ATL2: variants seen among roughly 807,000 people sequenced by gnomAD.
ATL2 encodes atlastin GTPase 2.
ATL2 carries 31 observed loss-of-function variants against 73.9 expected under a neutral mutation model. The observed-to-expected ratio is 0.42, with a 90% confidence interval of 0.32 to 0.57. The LOEUF is 0.57. ATL2 is among the 20% of genes least tolerant of loss of function. The pLI, the probability that ATL2 is intolerant of heterozygous loss-of-function variation, is 0.14. For synonymous variants in ATL2, 291 were observed against 237.5 expected, an observed-to-expected ratio of 1.23 and a Z score of -2.07; for missense variants, 738 against 702.6, an observed-to-expected ratio of 1.05 and a Z score of -0.57.
At chr2:38,335,069 A>G (rs1282915545) in intron 2 of ATL2, among the ~76,000 whole-genome samples, 1 of 151,084 alleles carries the variant, frequency 6.6e-6, no homozygotes, top group East Asian at 1.9e-4. Context: ...ACACATCAGA[A>G]TAGCTAACAT....
At chr2:38,334,703 A>G (rs560392861) in intron 2 of ATL2, among the ~76,000 whole-genome samples, 4 of 151,212 alleles carry the variant, frequency 2.6e-5, no homozygotes, top group African/African-American at 9.7e-5. Flanking sequence ...CGTCTCAAAC[A>G]AACAAACAAA....
chr2:38,310,648 T>G (rs901622252), intron 7 of ATL2, among the ~76,000 whole-genome samples: 3 of 150,622 alleles, frequency 2.0e-5, no homozygotes, highest in Admixed American at 2.0e-4. Flanking sequence ...TTTTTTTTTT[T>G]TTTTTAAAGA....
intron 9 of ATL2, among the ~76,000 whole-genome samples, chr2:38,308,689 T>C (rs984325401): frequency 2.0e-5 from 3 of 152,084 alleles, no homozygotes; most frequent in Admixed American, 6.6e-5. Context: ...AGACATTGTA[T>C]GCCTGTATCA....
intron 2 of ATL2, among the ~76,000 whole-genome samples, chr2:38,325,695 C>CACACACACACACACA (rs1558412023): frequency 2.2e-4 from 2 of 9,250 alleles, no homozygotes; most frequent in African/African-American, 5.8e-4. Context: ...CACACACACA[C>CACACACACACACACA]CAGTACACAC....
intron 2 of ATL2, among the ~76,000 whole-genome samples, chr2:38,341,513 C>A (rs953287023): frequency 2.0e-5 from 3 of 152,094 alleles, no homozygotes; most frequent in African/African-American, 4.8e-5. Context: ...TGGTGCATGC[C>A]TGTAGTGCCA....
intron 2 of ATL2, among the ~76,000 whole-genome samples, chr2:38,341,274 T>A (rs539469587): frequency 6.6e-6 from 1 of 152,320 alleles, no homozygotes; most frequent in African/African-American, 2.4e-5. Context: ...ATGTACAGTT[T>A]TTTTAAAAAA....
intron 2 of ATL2, among the ~76,000 whole-genome samples, chr2:38,335,445 G>A (rs984316656): frequency 6.6e-6 from 1 of 152,148 alleles, no homozygotes; most frequent in Non-Finnish European, 1.5e-5. Context: ...GTAACAATGT[G>A]CATACACCAG....
intron 2 of ATL2, among the ~76,000 whole-genome samples, chr2:38,321,948 T>A (rs189963233): frequency 6.6e-5 from 10 of 152,256 alleles, no homozygotes; most frequent in African/African-American, 2.4e-4. Flanking sequence ...ATCTTTAATT[T>A]ACTCTTCTTG....
chr2:38,374,085 T>A (rs556565620), intron 1 of ATL2, among the ~76,000 whole-genome samples: 110 of 152,278 alleles, frequency 7.2e-4, no homozygotes, highest in Non-Finnish European at 1.2e-3. Context: ...GAGAGGGGGT[T>A]TCTCCATGTT....
Position 38,298,322 on chromosome 2 carries a change from A to G in ATL2, c.1454T>C (p.Met485Thr). The change falls in exon 12 of 13, where the codon ATG becomes ACG. Residue 485 changes from methionine to threonine, a missense_variant. Met to Thr is a moderately conservative substitution (Grantham distance 81, BLOSUM62 -1). Transcript: ENST00000378954. ...GCCAGTCAGTCCTGAGATTATATAC[A>G]TAGCAAACATGACCGCAAACAGTGT... The part of the protein sequence containing the change: ...PATLFAVMFA[M>T]YIISGLTGFI... 4 of 1,614,232 alleles carry G rather than the reference A, an allele frequency of 2.5e-6. No homozygotes were observed. The highest frequency in any genetic ancestry group is 2.5e-6 in the Non-Finnish European group (3 of 1,180,032).
In ATL2 at chr2:38,300,342, A is replaced by T. The variant is rs1667121324; in HGVS notation, c.1072-14T>A. The T allele has an allele frequency of 1.3e-6, 2 of 1,594,304 alleles. No homozygotes were observed. The highest frequency in any genetic ancestry group is 1.7e-6 in the Non-Finnish European group (2 of 1,162,436). On this transcript the variant is annotated splice_polypyrimidine_tract_variant and intron_variant, in intron 9 of 12. Transcript: ENST00000378954. ...TTTGATGTAAGCCTAAAAAGGGAGA[A>T]GATTTGTTAGACTGACGGATTATGC...
chr2:38,353,833 G>A (rs1670498718), intron 1 of ATL2, among the ~76,000 whole-genome samples: 2 of 152,186 alleles, frequency 1.3e-5, no homozygotes, highest in Admixed American at 1.3e-4. Flanking sequence ...TAAAAGAAGT[G>A]TCAACCTAGA....
chr2:38,359,343 G>A (rs578172380), intron 1 of ATL2, among the ~76,000 whole-genome samples: 15 of 151,930 alleles, frequency 9.9e-5, no homozygotes, highest in African/African-American at 1.9e-4. Flanking sequence ...GGTGCCACAC[G>A]CCTGTAATCC....
intron 1 of ATL2, among the ~76,000 whole-genome samples, chr2:38,352,295 GGTATCAGACTGGCCCTCGACC>G (rs1479258072): frequency 6.6e-6 from 1 of 152,106 alleles, no homozygotes; most frequent in Non-Finnish European, 1.5e-5. Flanking sequence ...TAGAGTAACT[GGTATCAGACTGGCCCTCGACC>G]GTGGCTATAA....
intron 1 of ATL2, among the ~76,000 whole-genome samples, chr2:38,375,564 T>C (rs779030489): frequency 2.6e-5 from 4 of 152,194 alleles, no homozygotes; most frequent in Non-Finnish European, 5.9e-5. Flanking sequence ...AGTATAAATT[T>C]ATGTTTCTTC....
intron 7 of ATL2, 128 bp from the exon 8 acceptor site, chr2:38,310,575 T>A: frequency 1.5e-6 from 1 of 664,276 alleles, no homozygotes; most frequent in Non-Finnish European, 2.3e-6. Flanking sequence ...GAGTCTTTTT[T>A]GACAATACAA....
At chr2:38,328,933 G>A (rs1029648533) in intron 2 of ATL2, among the ~76,000 whole-genome samples, 1 of 150,588 alleles carries the variant, frequency 6.6e-6, no homozygotes, top group Non-Finnish European at 1.5e-5. Flanking sequence ...AAGAGAGAGG[G>A]GAGAAAAAAG....
At chr2:38,353,608 C>T (rs919494521) in intron 1 of ATL2, among the ~76,000 whole-genome samples, 7 of 152,120 alleles carry the variant, frequency 4.6e-5, no homozygotes, top group Non-Finnish European at 1.0e-4. Flanking sequence ...ACCTCCAGTA[C>T]GGTAATACAA....
chr2:38,357,096 G>C (rs1483484880), intron 1 of ATL2, among the ~76,000 whole-genome samples: 1 of 152,072 alleles, frequency 6.6e-6, no homozygotes, highest in South Asian at 2.1e-4. Context: ...TTGGGAGGCC[G>C]AGGCAGGTGG....
Sources: gnomAD v4.1 joint callset for allele counts (sites outside exome capture counted in the v4.1 genomes callset) on GRCh38, gnomAD v4.1.1 for gene constraint, MANE v1.5 for transcripts, NCBI Gene and HGNC (gene_info 2026-07-23, HGNC 2026-07-21) for gene names.